The following CPNE4 variants were observed in gnomAD, a reference collection of about 807,000 sequenced individuals.
The protein encoded by CPNE4 is copine-4.
Under a neutral mutation model 67.9 loss-of-function variants are expected in CPNE4, and 25 were observed. The ratio of observed to expected loss-of-function variants is 0.37; its 90% CI spans 0.27 to 0.51. The LOEUF is 0.51. Among genes scored for constraint, CPNE4 ranks in the 20% least tolerant of loss-of-function variants. The pLI is 0.93. For synonymous variants in CPNE4, 242 were observed against 244.9 expected (o/e 0.99, Z 0.11); for missense variants, 464 against 690.8 (o/e 0.67, Z 3.68).
intron 15 of CPNE4, among the ~76,000 whole-genome samples, chr3:131,542,097 G>C (rs1034402545): frequency 3.3e-5 from 5 of 152,122 alleles, no homozygotes; most frequent in African/African-American, 1.2e-4. Context: ...ACTTTGCCAA[G>C]GCAAACACAG....
chr3:131,850,775 C>T (rs557061288), intron 2 of CPNE4, among the ~76,000 whole-genome samples: 1 of 151,954 alleles, frequency 6.6e-6, no homozygotes, highest in Non-Finnish European at 1.5e-5. Flanking sequence ...TCATTTAACC[C>T]CCATAATAAT....
At chr3:132,009,635 C>T (rs1224256637) in intron 1 of CPNE4, among the ~76,000 whole-genome samples, 1 of 152,102 alleles carries the variant, frequency 6.6e-6, no homozygotes, top group Non-Finnish European at 1.5e-5. Context: ...TGACCCAGGT[C>T]ATTCATAACA....
At chr3:131,676,184 T>C (rs190912083) in intron 6 of CPNE4, among the ~76,000 whole-genome samples, 5 of 151,608 alleles carry the variant, frequency 3.3e-5, no homozygotes, top group East Asian at 1.9e-4. Flanking sequence ...GCCTCCTTCC[T>C]AGTAGCTGGG....
chr3:131,679,170 C>T (rs1307398478), intron 6 of CPNE4, among the ~76,000 whole-genome samples: 1 of 151,932 alleles, frequency 6.6e-6, no homozygotes, highest in Non-Finnish European at 1.5e-5. Context: ...GTGTATCTAT[C>T]TGTCCAGGAA....
intron 2 of CPNE4, among the ~76,000 whole-genome samples, chr3:131,804,955 A>G (rs999263956): frequency 3.3e-5 from 5 of 152,240 alleles, no homozygotes; most frequent in Admixed American, 3.3e-4. Context: ...AGTGAGTTAA[A>G]GAAATGGTGT....
chr3:131,593,069 G>A (rs564595482), intron 7 of CPNE4, among the ~76,000 whole-genome samples: 129 of 152,276 alleles, frequency 8.5e-4, no homozygotes, highest in Admixed American at 2.2e-3. Context: ...GCAGTTCCCA[G>A]TTATTCAATC....
At chr3:131,554,415 A>G (rs925285336) in intron 12 of CPNE4, among the ~76,000 whole-genome samples, 1 of 152,082 alleles carries the variant, frequency 6.6e-6, no homozygotes, top group Non-Finnish European at 1.5e-5. Flanking sequence ...AATAATGTCT[A>G]TAGGCCACCA....
chr3:132,035,791 C>G (rs1209409544), upstream of CPNE4, among the ~76,000 whole-genome samples: 3 of 152,186 alleles, frequency 2.0e-5, no homozygotes, highest in Non-Finnish European at 4.4e-5. Context: ...TTGTCAGACT[C>G]ACAAATTGGA....
At chr3:131,759,427 A>G (rs1216204035) in intron 2 of CPNE4, among the ~76,000 whole-genome samples, 3 of 152,168 alleles carry the variant, frequency 2.0e-5, no homozygotes, top group Non-Finnish European at 4.4e-5. Flanking sequence ...CCAAGCCAAG[A>G]TTAGCAAGTT....
chr3:132,018,406 A>C (rs937694791), intron 1 of CPNE4, among the ~76,000 whole-genome samples: 2 of 152,236 alleles, frequency 1.3e-5, no homozygotes, highest in Non-Finnish European at 2.9e-5. Context: ...GAAGCAAAGC[A>C]AGTTGTCAGG....
intron 2 of CPNE4, among the ~76,000 whole-genome samples, chr3:131,742,117 T>C (rs1176614980): frequency 6.6e-6 from 1 of 152,216 alleles, no homozygotes; most frequent in East Asian, 1.9e-4. Context: ...AATATTATCC[T>C]GAATGTGTCC....
At chr3:131,995,260 T>C (rs1041686439) in intron 1 of CPNE4, among the ~76,000 whole-genome samples, 3 of 152,174 alleles carry the variant, frequency 2.0e-5, no homozygotes, top group Admixed American at 1.3e-4. Flanking sequence ...AGCTATTTCA[T>C]GGGTTGAGCC....
intron 11 of CPNE4, among the ~76,000 whole-genome samples, chr3:131,561,408 G>T (rs541293436): frequency 6.6e-6 from 1 of 152,014 alleles, no homozygotes; most frequent in African/African-American, 2.4e-5. Context: ...TAGTTGTGCT[G>T]GGGTGGGTGG....
intron 2 of CPNE4, among the ~76,000 whole-genome samples, chr3:131,776,265 TCAGTAAGATTGTGTCCCTTCTCATA>T (rs144632887): frequency 0.2 from 30,587 of 151,756 alleles, 3,773 homozygotes; most frequent in Middle Eastern, 0.27. Flanking sequence ...AATACCTCCT[TCAGTAAGATTGTGTCCCTTCTCATA>T]GGTCAGGAAG....
intron 1 of CPNE4, among the ~76,000 whole-genome samples, chr3:131,914,654 C>T (rs1033375536): frequency 3.3e-5 from 5 of 152,128 alleles, no homozygotes; most frequent in Non-Finnish European, 5.9e-5. Context: ...CCTCATCAAA[C>T]ATATAATGTT....
At chr3:131,922,471 G>A (rs543537144) in intron 1 of CPNE4, among the ~76,000 whole-genome samples, 2 of 152,282 alleles carry the variant, frequency 1.3e-5, no homozygotes, top group East Asian at 3.9e-4. Context: ...CTAAAGCCAA[G>A]AGCCTGATCT....
intron 1 of CPNE4, among the ~76,000 whole-genome samples, chr3:131,935,998 C>G (rs535924346): frequency 9.2e-5 from 14 of 152,048 alleles, no homozygotes; most frequent in African/African-American, 2.9e-4. Context: ...AGTTCAGAAC[C>G]ATAGACCTCG....
At chr3:131,700,708 T>A (rs2081276326) in intron 3 of CPNE4, among the ~76,000 whole-genome samples, 2 of 152,178 alleles carry the variant, frequency 1.3e-5, no homozygotes, top group Non-Finnish European at 2.9e-5. Flanking sequence ...GGTCTAGAAC[T>A]AGAAATACCA....
In CPNE4 at chr3:131,684,175, G is replaced by A. The variant is rs139922770; in HGVS notation, c.591+1700C>T. On this transcript the variant is annotated intron_variant, in intron 6 of 15. Coordinates refer to ENST00000429747, the MANE Select transcript of CPNE4 (RefSeq NM_130808.3). ...AAAGTGCTTTTTGTGTGTGTGTGGAGAGTTGTTTAATTTGGTGTTCTTATG... is the reference window on the plus strand; with the variant it reads ...AAAGTGCTTTTTGTGTGTGTGTGGAAAGTTGTTTAATTTGGTGTTCTTATG... 4.2e-4 allele frequency among the ~76,000 whole-genome samples: 64 copies of A among 152,320 alleles called. 1 individual carries two copies. The East Asian group carries it at 0.011, about 26-fold the overall frequency.
Sources: gnomAD v4.1 joint callset for allele counts (sites outside exome capture counted in the v4.1 genomes callset) on GRCh38, gnomAD v4.1.1 for gene constraint, MANE v1.5 for transcripts, NCBI Gene and HGNC (gene_info 2026-07-23, HGNC 2026-07-21) for gene names.